The following PLCE1 variants were observed in gnomAD, a reference collection of about 807,000 sequenced individuals.
The protein encoded by PLCE1 is 1-phosphatidylinositol 4,5-bisphosphate phosphodiesterase epsilon-1.
Under a neutral mutation model 242.8 loss-of-function variants are expected in PLCE1, and 119 were observed. The observed-to-expected ratio is 0.49, with a 90% CI of 0.42 to 0.57. PLCE1 has a LOEUF of 0.57. Ranked by LOEUF, PLCE1 falls within the 20% of genes least tolerant of loss-of-function variation. The pLI, the probability that PLCE1 is intolerant of heterozygous loss-of-function variation, is 0.00. For missense variants in PLCE1, 2,441 were observed against 2,788.8 expected, an observed-to-expected ratio of 0.88 and a Z score of 2.81; for synonymous variants, 945 against 1,017.4, an observed-to-expected ratio of 0.93 and a Z score of 1.35.
intron 2 of PLCE1, among the ~76,000 whole-genome samples, chr10:94,087,565 TAGCGGAG>T (rs2135319300): frequency 6.6e-6 from 1 of 151,852 alleles, no homozygotes; most frequent in East Asian, 2.0e-4. Context: ...GCCTGTCAAG[TAGCGGAG>T]ACTACAGGCG....
chr10:94,160,688 C>G (rs1285732597), intron 3 of PLCE1, among the ~76,000 whole-genome samples: 1 of 152,126 alleles, frequency 6.6e-6, no homozygotes, highest in African/African-American at 2.4e-5. Flanking sequence ...ACATGAAGTC[C>G]TTGCCCATGC....
At chr10:94,211,916 C>A (rs1210175507) in intron 4 of PLCE1, among the ~76,000 whole-genome samples, 1 of 151,958 alleles carries the variant, frequency 6.6e-6, no homozygotes, top group Admixed American at 6.5e-5. Flanking sequence ...TCAGAGAGAC[C>A]CCTGTCAATA....
chr10:94,090,175 A>C (rs1564677314), intron 2 of PLCE1, among the ~76,000 whole-genome samples: 1 of 152,090 alleles, frequency 6.6e-6, no homozygotes, highest in East Asian at 1.9e-4. Context: ...CTTTTCTTAA[A>C]AAAAAAAAGG....
At chr10:94,283,139 A>G (rs1399050266) in intron 20 of PLCE1, 1 of 152,304 alleles carries the variant, frequency 6.6e-6, no homozygotes, top group Non-Finnish European at 1.5e-5. Context: ...TCCAAATAGA[A>G]AAGCAAAAAA....
chr10:94,323,976 T>C (rs1002258295), intron 30 of PLCE1, among the ~76,000 whole-genome samples: 1 of 152,224 alleles, frequency 6.6e-6, no homozygotes, highest in Admixed American at 6.5e-5. Context: ...CAAGATTCTA[T>C]TCCTCACTGG....
intron 2 of PLCE1, among the ~76,000 whole-genome samples, chr10:94,114,375 CTG>C (rs1276977378): frequency 2.0e-5 from 3 of 152,194 alleles, no homozygotes; most frequent in African/African-American, 4.8e-5. Flanking sequence ...ACATTGGAGA[CTG>C]TGTCCACCCA....
chr10:94,073,052 C>A (rs1441742348), intron 2 of PLCE1, among the ~76,000 whole-genome samples: 1 of 152,072 alleles, frequency 6.6e-6, no homozygotes, highest in African/African-American at 2.4e-5. Context: ...CCACTTCCTA[C>A]CCCAGGGCAC....
chr10:94,194,848 TG>T (rs1427479618), intron 4 of PLCE1, among the ~76,000 whole-genome samples: 23 of 152,362 alleles, frequency 1.5e-4, no homozygotes, highest in African/African-American at 5.5e-4. Context: ...GCTAATAGCT[TG>T]TAATGATTTA....
chr10:94,099,009 C>T (rs1419279086), intron 2 of PLCE1, among the ~76,000 whole-genome samples: 3 of 152,290 alleles, frequency 2.0e-5, no homozygotes, highest in East Asian at 3.9e-4. Flanking sequence ...GTGGAAGTGC[C>T]TTTGCTTGGC....
chr10:94,187,628 C>G (rs146142519), intron 4 of PLCE1, among the ~76,000 whole-genome samples: 1 of 152,104 alleles, frequency 6.6e-6, no homozygotes, highest in African/African-American at 2.4e-5. Context: ...ACAGATTCCT[C>G]AAGGGCCAGG....
chr10:94,224,605 A>G lies in PLCE1; in HGVS notation c.1810-2701A>G, dbSNP rs76259978. 2.5e-3 allele frequency among the ~76,000 whole-genome samples: 379 copies of G among 152,256 alleles called. 3 individuals are homozygous for G. Among genetic ancestry groups the G allele is most frequent in the East Asian group, 3.7e-3 (19 of 5,176 alleles). ...TTTTACTTTTCAGGATCTCATTTTTATTTGTGAGAAGTGTTTGAATTTCCA... is the reference window on the plus strand; with the variant it reads ...TTTTACTTTTCAGGATCTCATTTTTGTTTGTGAGAAGTGTTTGAATTTCCA... On this transcript the variant is annotated intron_variant, in intron 4 of 32. Coordinates refer to ENST00000371380, the MANE Select transcript of PLCE1 (RefSeq NM_016341.4).
At chr10:94,019,851 T>C (rs957791501) in intron 1 of PLCE1, among the ~76,000 whole-genome samples, 1 of 152,220 alleles carries the variant, frequency 6.6e-6, no homozygotes, top group Non-Finnish European at 1.5e-5. Context: ...ATGGAAATCA[T>C]TCCTTTTATT....
chr10:94,099,334 A>C (rs1442314454), intron 2 of PLCE1, among the ~76,000 whole-genome samples: 5 of 152,288 alleles, frequency 3.3e-5, no homozygotes, highest in African/African-American at 1.2e-4. Flanking sequence ...ACTTTACTCC[A>C]TGCCAGTCCT....
At chr10:94,136,068 C>G (rs563459162) in intron 3 of PLCE1, among the ~76,000 whole-genome samples, 1 of 152,240 alleles carries the variant, frequency 6.6e-6, no homozygotes, top group East Asian at 1.9e-4. Flanking sequence ...AGAATAACCT[C>G]TTCCATAAGA....
intron 1 of PLCE1, among the ~76,000 whole-genome samples, chr10:94,014,684 G>A (rs2061243881): frequency 6.6e-6 from 1 of 152,172 alleles, no homozygotes; most frequent in Non-Finnish European, 1.5e-5. Context: ...CATGGGTAAT[G>A]AGGAAATTTT....
chr10:94,262,159 C>T (rs146735118), intron 13 of PLCE1, among the ~76,000 whole-genome samples: 1 of 152,130 alleles, frequency 6.6e-6, no homozygotes, highest in African/African-American at 2.4e-5. Flanking sequence ...CACCACCATG[C>T]CTGGCTAATT....
chr10:94,273,675 G>A lies in PLCE1; in HGVS notation c.4620G>A (p.Lys1540=). The A allele has an allele frequency of 6.2e-7, 1 of 1,613,910 alleles. No homozygotes were observed. Among genetic ancestry groups the A allele is most frequent in the East Asian group, 2.2e-5 (1 of 44,830 alleles). The part of the protein sequence containing the change: ...QLRKKVLLKN[K]KLKAHQTPVD... Reference sequence around the variant, plus strand: ...GAAAGAAAGTTCTTCTTAAAAACAAGAAGCTAAAAGCCCATCAGACGCCAG... The same window carrying A: ...GAAAGAAAGTTCTTCTTAAAAACAAAAAGCTAAAAGCCCATCAGACGCCAG... Residue 1540 remains lysine (K), a synonymous_variant, in exon 19 of 33, where the codon AAG becomes AAA. Coordinates refer to ENST00000371380, the MANE Select transcript of PLCE1 (RefSeq NM_016341.4).
intron 24 of PLCE1, among the ~76,000 whole-genome samples, chr10:94,300,747 TCTC>T (rs1259566575): frequency 6.6e-6 from 1 of 152,210 alleles, no homozygotes; most frequent in Non-Finnish European, 1.5e-5. Flanking sequence ...AGTGTTTACT[TCTC>T]TGAATTGCAA....
At position 94,325,117 on chromosome 10, in the gene PLCE1, A is replaced by G; in HGVS notation, c.*24+13A>G. 6.4e-7 allele frequency: 1 copy of G among 1,559,854 alleles called. No individual in the cohort carries two copies. The highest frequency in any genetic ancestry group is 8.8e-7 in the Non-Finnish European group (1 of 1,130,690). ...ATGTTTAACCCAGGTATAGTAAGTC[A>G]TTGCACCATCCTGGAACAGGGCTTA... On this transcript the variant is annotated intron_variant, in intron 32 of 32. Transcript: ENST00000371380.
Sources: allele counts gnomAD v4.1 joint callset (sites outside exome capture counted in the v4.1 genomes callset), GRCh38; gene constraint gnomAD v4.1.1; transcripts MANE v1.5; gene names NCBI Gene and HGNC (gene_info 2026-07-23, HGNC 2026-07-21).